GRM5: variants seen among roughly 807,000 people sequenced by gnomAD.
The protein encoded by GRM5 is glutamate metabotropic receptor 5.
GRM5 carries 19 observed loss-of-function variants against 83.1 expected under a neutral mutation model. That is an observed-to-expected ratio of 0.23 (90% CI 0.16 to 0.34). The LOEUF (loss-of-function observed/expected upper bound fraction) is 0.34, where lower values mean the gene tolerates loss of function less well. Among genes scored for constraint, GRM5 ranks in the 10% least tolerant of loss-of-function variants. GRM5 has a pLI of 1.00. For missense variants in GRM5, 1,160 were observed against 1,588.3 expected (o/e 0.73, Z 4.58); for synonymous variants, 675 against 633.6 (o/e 1.07, Z -0.98).
intron 3 of GRM5, among the ~76,000 whole-genome samples, chr11:88,776,124 C>A (rs1004921889): frequency 6.6e-6 from 1 of 152,122 alleles, no homozygotes; most frequent in South Asian, 2.1e-4. Context: ...CTGGGTGCTC[C>A]TGTATTGGGT....
intron 3 of GRM5, among the ~76,000 whole-genome samples, chr11:88,736,985 A>G (rs1941927698): frequency 6.6e-6 from 1 of 152,078 alleles, no homozygotes; most frequent in Admixed American, 6.6e-5. Flanking sequence ...CAGTGGATAG[A>G]TCAGATTAAG....
chr11:88,656,329 C>A (rs1046172026), intron 3 of GRM5, among the ~76,000 whole-genome samples: 2 of 152,126 alleles, frequency 1.3e-5, no homozygotes, highest in Admixed American at 1.3e-4. Flanking sequence ...CCATTTTATT[C>A]TTTTCCGTTG....
At chr11:88,564,046 A>G (rs1454409854) in intron 8 of GRM5, among the ~76,000 whole-genome samples, 1 of 152,224 alleles carries the variant, frequency 6.6e-6, no homozygotes, top group Non-Finnish European at 1.5e-5. Flanking sequence ...GTGATACAAA[A>G]GAATTATAGC....
At chr11:88,541,735 ATG>A (rs67387947) in intron 8 of GRM5, among the ~76,000 whole-genome samples, 64,553 of 151,894 alleles carry the variant, frequency 0.42, 15,432 homozygotes, top group East Asian at 0.69. Flanking sequence ...TACAGGATTG[ATG>A]TTTTATGTAG....
intron 2 of GRM5, among the ~76,000 whole-genome samples, chr11:89,023,140 AGTGTGTGT>A (rs61343398): frequency 2.7e-5 from 4 of 146,738 alleles, no homozygotes; most frequent in African/African-American, 7.8e-5. Flanking sequence ...ATATGCAAAG[AGTGTGTGT>A]GTGTGTGTGT....
intron 2 of GRM5, among the ~76,000 whole-genome samples, chr11:88,855,004 G>GGT (rs1266717034): frequency 6.6e-6 from 1 of 151,250 alleles, no homozygotes; most frequent in Non-Finnish European, 1.5e-5. Context: ...GCATAGACAA[G>GGT]GTGTACCTAG....
chr11:88,961,064 G>T (rs964660170), intron 2 of GRM5, among the ~76,000 whole-genome samples: 1 of 152,170 alleles, frequency 6.6e-6, no homozygotes, highest in African/African-American at 2.4e-5. Flanking sequence ...ATAACTGCTA[G>T]ATTATATCAC....
At chr11:88,784,298 A>T (rs1275255029) in intron 3 of GRM5, among the ~76,000 whole-genome samples, 1 of 152,060 alleles carries the variant, frequency 6.6e-6, no homozygotes, top group Non-Finnish European at 1.5e-5. Context: ...TTAGAGTGAA[A>T]ATCTGCTAGT....
At chr11:89,009,023 T>A in intron 2 of GRM5, 1 of 717,730 alleles carries the variant, frequency 1.4e-6, no homozygotes. Context: ...TTAGCCCTAT[T>A]GTTTTACACA....
intron 2 of GRM5, among the ~76,000 whole-genome samples, chr11:88,943,701 C>T (rs1938186578): frequency 1.3e-5 from 2 of 151,976 alleles, no homozygotes; most frequent in Non-Finnish European, 2.9e-5. Context: ...AGCAAAAGAA[C>T]AGGAGTTGAT....
At chr11:88,804,874 G>A (rs148357702) in intron 3 of GRM5, among the ~76,000 whole-genome samples, 1 of 152,126 alleles carries the variant, frequency 6.6e-6, no homozygotes, top group East Asian at 1.9e-4. Flanking sequence ...TGGGTACAAT[G>A]TACCTTATTA....
intron 3 of GRM5, among the ~76,000 whole-genome samples, chr11:88,841,256 G>A (rs1471514465): frequency 3.3e-5 from 5 of 152,068 alleles, no homozygotes; most frequent in Non-Finnish European, 5.9e-5. Flanking sequence ...TTTTCTTAAT[G>A]GTGTCTTGGA....
chr11:88,807,456 A>G (rs1383982301), intron 3 of GRM5, among the ~76,000 whole-genome samples: 1 of 152,122 alleles, frequency 6.6e-6, no homozygotes, highest in Non-Finnish European at 1.5e-5. Context: ...ATCTGAAGAG[A>G]AAAGAAAAAG....
chr11:88,940,444 T>G (rs1288080889), intron 2 of GRM5, among the ~76,000 whole-genome samples: 1 of 150,924 alleles, frequency 6.6e-6, no homozygotes, highest in Non-Finnish European at 1.5e-5. Flanking sequence ...ATGGGAATGG[T>G]GATGGGAGAA....
chr11:88,753,714 C>T (rs1206969551), intron 3 of GRM5, among the ~76,000 whole-genome samples: 1 of 152,120 alleles, frequency 6.6e-6, no homozygotes. Context: ...AAATGTGTTA[C>T]ATAGACACTG....
At chr11:88,918,204 A>AG (rs1945627773) in intron 2 of GRM5, among the ~76,000 whole-genome samples, 1 of 151,828 alleles carries the variant, frequency 6.6e-6, no homozygotes, top group Non-Finnish European at 1.5e-5. Flanking sequence ...AAAAAAAAAA[A>AG]CAAAAACAAA....
chr11:88,604,555 A>G (rs190782676), intron 5 of GRM5, among the ~76,000 whole-genome samples, 163 bp downstream of exon 5: 33 of 152,302 alleles, frequency 2.2e-4, no homozygotes, highest in South Asian at 1.5e-3. Context: ...GCCACAGGAA[A>G]TGGGGCTTCT....
chr11:88,760,440 C>T (rs1386511299), intron 3 of GRM5, among the ~76,000 whole-genome samples: 1 of 151,928 alleles, frequency 6.6e-6, no homozygotes, highest in Admixed American at 6.6e-5. Flanking sequence ...CCTCTATGCA[C>T]ACAAACTAGA....
chr11:88,917,791 G>A (rs146970102), intron 2 of GRM5, among the ~76,000 whole-genome samples: 2,627 of 151,736 alleles, frequency 0.017, 45 homozygotes, highest in East Asian at 0.067. Flanking sequence ...CACAGACAGA[G>A]GAAAGCAATA....
Sources: allele counts gnomAD v4.1 joint callset (sites outside exome capture counted in the v4.1 genomes callset), GRCh38; gene constraint gnomAD v4.1.1; transcripts MANE v1.5; gene names NCBI Gene and HGNC (gene_info 2026-07-23, HGNC 2026-07-21).